Variants in SHISA9 observed in about 807,000 individuals in gnomAD.
The protein encoded by SHISA9 is protein shisa-9.
In SHISA9, 13 loss-of-function variants were observed where a neutral mutation model predicts 38.0. The observed-to-expected ratio is 0.34, with a 90% confidence interval of 0.22 to 0.54. SHISA9 has a LOEUF of 0.54. Among genes scored for constraint, SHISA9 ranks in the 20% least tolerant of loss-of-function variants. SHISA9 has a pLI of 0.91. For synonymous variants in SHISA9, 275 were observed against 242.0 expected (o/e 1.14, Z -1.27); for missense variants, 538 against 575.8 (o/e 0.93, Z 0.67).
chr16:12,962,760 G>C lies in SHISA9; in HGVS notation c.691+45945G>C, dbSNP rs190970826. 1.6e-3 allele frequency among the ~76,000 whole-genome samples: 237 copies of C among 152,282 alleles called. 1 individual carries two copies. The highest frequency in any genetic ancestry group is 6.1e-3 in the Admixed American group (93 of 15,296). ...GGTATTGTGTTATGGTGGCCCAAAT[G>C]GACTAAGACAGCATACATTTCCCCT... is the stretch of plus-strand genomic sequence containing the variant. On this transcript the variant is annotated intron_variant, in intron 2 of 4. Coordinates refer to ENST00000558583, the MANE Select transcript of SHISA9 (RefSeq NM_001145204.3).
At chr16:12,912,350 T>G (rs1463771615) in intron 1 of SHISA9, among the ~76,000 whole-genome samples, 1 of 152,134 alleles carries the variant, frequency 6.6e-6, no homozygotes, top group Non-Finnish European at 1.5e-5. Context: ...GCCCAGGGGA[T>G]CTGCGGATGG....
chr16:12,994,636 A>G (rs1480122511), intron 2 of SHISA9, among the ~76,000 whole-genome samples: 2 of 152,216 alleles, frequency 1.3e-5, no homozygotes, highest in African/African-American at 4.8e-5. Context: ...TAAGCCCAGC[A>G]GAACTATAGT....
the SHISA9 span, among the ~76,000 whole-genome samples, chr16:13,554,075 T>TA: frequency 1.9e-4 from 28 of 151,260 alleles, no homozygotes; most frequent in East Asian, 7.7e-4. Flanking sequence ...GTAAAAAGTA[T>TA]AAAAAAAAAT....
intron 2 of SHISA9, among the ~76,000 whole-genome samples, chr16:13,171,576 C>A (rs545707110): frequency 1.3e-5 from 2 of 151,930 alleles, no homozygotes; most frequent in African/African-American, 4.8e-5. Context: ...GTGCTTCCAG[C>A]AGAGGAAATA....
chr16:12,934,256 G>A (rs565749735), intron 2 of SHISA9, among the ~76,000 whole-genome samples: 10 of 152,294 alleles, frequency 6.6e-5, no homozygotes, highest in African/African-American at 9.6e-5. Context: ...ACTGCTATGC[G>A]CTAGACAGTA....
At chr16:13,158,066 C>G (rs986568929) in intron 2 of SHISA9, among the ~76,000 whole-genome samples, 1 of 152,136 alleles carries the variant, frequency 6.6e-6, no homozygotes, top group Non-Finnish European at 1.5e-5. Flanking sequence ...TAGAAAGAAC[C>G]GGAACCTTGG....
At chr16:13,508,240 T>C in the SHISA9 span, among the ~76,000 whole-genome samples, 1 of 152,238 alleles carries the variant, frequency 6.6e-6, no homozygotes, top group Non-Finnish European at 1.5e-5. Flanking sequence ...CTTGACATTC[T>C]ATAATGAACA....
At chr16:13,280,272 T>A in the SHISA9 span, among the ~76,000 whole-genome samples, 1 of 151,688 alleles carries the variant, frequency 6.6e-6, no homozygotes, top group Non-Finnish European at 1.5e-5. Context: ...AGAAGACCAG[T>A]GCTCTAACCT....
At chr16:13,104,494 A>G (rs1567213406) in intron 2 of SHISA9, among the ~76,000 whole-genome samples, 3 of 152,352 alleles carry the variant, frequency 2.0e-5, no homozygotes, top group South Asian at 4.1e-4. Context: ...TGGTATATCC[A>G]TATAATGGAA....
chr16:13,326,760 A>G, the SHISA9 span, among the ~76,000 whole-genome samples: 1 of 152,206 alleles, frequency 6.6e-6, no homozygotes, highest in Non-Finnish European at 1.5e-5. Flanking sequence ...TCCAGGAAAG[A>G]TACTGAATGG....
the SHISA9 span, among the ~76,000 whole-genome samples, chr16:13,541,825 A>T: frequency 6.6e-6 from 1 of 152,204 alleles, no homozygotes; most frequent in Non-Finnish European, 1.5e-5. Context: ...GAGGATAATA[A>T]ACTCACAGAA....
chr16:13,180,046 C>G (rs1370877268), intron 2 of SHISA9, among the ~76,000 whole-genome samples: 1 of 152,198 alleles, frequency 6.6e-6, no homozygotes, highest in East Asian at 1.9e-4. Context: ...TCTGGCTAAT[C>G]AAGTTTCTTA....
the SHISA9 span, among the ~76,000 whole-genome samples, chr16:13,478,539 C>A: frequency 6.6e-6 from 1 of 152,158 alleles, no homozygotes; most frequent in African/African-American, 2.4e-5. Flanking sequence ...TCAGTTCCTG[C>A]AGCTGTAAAA....
At chr16:13,531,004 G>A in the SHISA9 span, among the ~76,000 whole-genome samples, 1 of 152,196 alleles carries the variant, frequency 6.6e-6, no homozygotes, top group Non-Finnish European at 1.5e-5. Flanking sequence ...CAGCCTAGGG[G>A]TAAAGCCAAC....
chr16:13,487,208 A>G, the SHISA9 span, among the ~76,000 whole-genome samples: 1 of 152,222 alleles, frequency 6.6e-6, no homozygotes, highest in Admixed American at 6.5e-5. Context: ...CAAGTTGCAT[A>G]TGTGAAATGA....
the SHISA9 span, among the ~76,000 whole-genome samples, chr16:13,293,881 A>G: frequency 3.3e-5 from 5 of 152,236 alleles, no homozygotes; most frequent in Non-Finnish European, 5.9e-5. Context: ...AGAATAAGCC[A>G]TAGGAACTTA....
chr16:12,929,097 T>G (rs1451229076), intron 2 of SHISA9, among the ~76,000 whole-genome samples: 1 of 152,174 alleles, frequency 6.6e-6, no homozygotes, highest in African/African-American at 2.4e-5. Flanking sequence ...AGATACCATC[T>G]CATGTCAGTC....
chr16:13,144,065 T>C (rs150060), intron 2 of SHISA9, among the ~76,000 whole-genome samples: 73,717 of 151,908 alleles, frequency 0.49, 19,831 homozygotes, highest in Non-Finnish European at 0.59. Flanking sequence ...ACTTTTCTCA[T>C]TGAAGGTATG....
the SHISA9 span, among the ~76,000 whole-genome samples, chr16:13,375,730 C>T: frequency 1.3e-5 from 2 of 152,160 alleles, no homozygotes; most frequent in Non-Finnish European, 2.9e-5. Context: ...AAGACTTGTA[C>T]ACTAAACACT....
Sources: allele counts gnomAD v4.1 joint callset (sites outside exome capture counted in the v4.1 genomes callset), GRCh38; gene constraint gnomAD v4.1.1; transcripts MANE v1.5; gene names NCBI Gene and HGNC (gene_info 2026-07-23, HGNC 2026-07-21).